Variants in CALD1 observed in about 807,000 individuals in gnomAD.
The protein encoded by CALD1 is caldesmon.
In CALD1, 33 loss-of-function variants were observed where a neutral mutation model predicts 99.9. That is an observed-to-expected ratio of 0.33 (90% CI 0.25 to 0.44). The LOEUF is 0.44. CALD1 is among the 20% of genes least tolerant of loss of function. The pLI, the probability that CALD1 is intolerant of heterozygous loss-of-function variation, is 1.00. For missense variants in CALD1, 861 were observed against 962.1 expected (o/e 0.89, Z 1.39); for synonymous variants, 310 against 325.0 (o/e 0.95, Z 0.50).
chr7:134,932,108 G>T (rs530081446), intron 4 of CALD1, among the ~76,000 whole-genome samples: 22 of 152,236 alleles, frequency 1.4e-4, no homozygotes, highest in Middle Eastern at 3.4e-3. Context: ...TCATTGCCTT[G>T]GTTGGACACT....
chr7:134,935,557 G>A, intron 5 of CALD1, 131 bp from the exon 6 acceptor site: 1 of 1,422,218 alleles, frequency 7.0e-7, no homozygotes, highest in Non-Finnish European at 9.4e-7. Context: ...ACTGTGCTGT[G>A]AGCGCTGAGA....
chr7:134,815,896 C>T (rs948881284), intron 1 of CALD1, among the ~76,000 whole-genome samples: 3 of 152,182 alleles, frequency 2.0e-5, no homozygotes, highest in African/African-American at 7.2e-5. Flanking sequence ...TAAAAACTAT[C>T]CTCGAACTGG....
intron 1 of CALD1, among the ~76,000 whole-genome samples, chr7:134,773,391 C>T (rs906142828): frequency 6.6e-6 from 1 of 151,890 alleles, no homozygotes; most frequent in Non-Finnish European, 1.5e-5. Flanking sequence ...CCTCCCACCT[C>T]AGCCTCCCTA....
rs1799747492 is a variant in CALD1, at chr7:134,843,885, T to C, written c.-128T>C. 3 of 152,218 alleles carry C rather than the reference T, an allele frequency of 2.0e-5. 1 individual carries two copies. The South Asian group carries it at 6.2e-4, about 32-fold the overall frequency. The allele number at this position is 152,218 out of a possible 1,614,324, so 9.4% of individuals were successfully genotyped here. A position where few individuals can be genotyped will look rare whatever the true frequency, so the allele number is the denominator to read the frequency against. ...GTTTCCATCCTCCTTTTATTCCAGG[T>C]ATCATTGGAACATTTCAAGATCATC... On this transcript the variant is annotated splice_region_variant and 5_prime_UTR_variant, in exon 2 of 15. Transcript: ENST00000361675.
intron 6 of CALD1, 108 bp downstream of exon 6, chr7:134,935,873 AT>A: frequency 9.4e-7 from 1 of 1,065,268 alleles, no homozygotes; most frequent in South Asian, 1.7e-5. Flanking sequence ...TATCCAGTGT[AT>A]TTCAAGCCAT....
At chr7:134,900,556 C>T (rs1259672944) in intron 3 of CALD1, among the ~76,000 whole-genome samples, 3 of 152,086 alleles carry the variant, frequency 2.0e-5, no homozygotes, top group East Asian at 1.9e-4. Flanking sequence ...GCCTAGCCCT[C>T]GCAGCACTAA....
At chr7:134,755,379 G>A (rs901563871) in intron 1 of CALD1, among the ~76,000 whole-genome samples, 2 of 152,176 alleles carry the variant, frequency 1.3e-5, no homozygotes, top group East Asian at 3.8e-4. Flanking sequence ...CTGGCGTGGT[G>A]AAAATATGCT....
intron 7 of CALD1, among the ~76,000 whole-genome samples, chr7:134,946,105 C>G (rs1044391809): frequency 2.0e-5 from 3 of 152,072 alleles, no homozygotes; most frequent in Admixed American, 6.6e-5. Flanking sequence ...CTTTTGAACT[C>G]ATTCACAAGT....
intron 1 of CALD1, among the ~76,000 whole-genome samples, chr7:134,765,088 G>A (rs1270091747): frequency 6.6e-6 from 1 of 152,178 alleles, no homozygotes; most frequent in African/African-American, 2.4e-5. Context: ...AGGCTGAGGT[G>A]GGTGGATCAT....
intron 1 of CALD1, among the ~76,000 whole-genome samples, chr7:134,827,637 G>A (rs1211657233): frequency 6.6e-6 from 1 of 152,212 alleles, no homozygotes; most frequent in Non-Finnish European, 1.5e-5. Context: ...CCCAGGCACA[G>A]GAAAGAGTGA....
Position 134,832,456 on chromosome 7 carries a change from A to C in CALD1, c.-129-11428A>C, listed in dbSNP as rs1334647195. 5.9e-5 allele frequency among the ~76,000 whole-genome samples: 9 copies of C among 152,230 alleles called. 1 individual carries two copies. The highest frequency in any genetic ancestry group is 5.9e-4 in the Admixed American group (9 of 15,284). On this transcript the variant is annotated intron_variant, in intron 1 of 14. Transcript: ENST00000361675. ...TTCAGTAGAGTGAAATAGAAATAAA[A>C]GCAGTCTGGAAAACCAGCAATGAAT... is the stretch of plus-strand genomic sequence containing the variant.
chr7:134,931,192 C>A (rs1292411569), intron 4 of CALD1, among the ~76,000 whole-genome samples: 1 of 151,964 alleles, frequency 6.6e-6, no homozygotes. Context: ...TGGGGCTAAA[C>A]AACTCTAACT....
At chr7:134,938,293 T>C (rs546127951) in intron 6 of CALD1, among the ~76,000 whole-genome samples, 1 of 152,300 alleles carries the variant, frequency 6.6e-6, no homozygotes, top group Admixed American at 6.5e-5. Context: ...CAAAATATGC[T>C]CGAGACACAT....
the CALD1 span, among the ~76,000 whole-genome samples, chr7:134,732,945 G>A: frequency 6.6e-6 from 1 of 152,222 alleles, no homozygotes; most frequent in Non-Finnish European, 1.5e-5. Flanking sequence ...CTTGGCAGGA[G>A]TGCACGCTCC....
At chr7:134,772,505 G>A (rs533550025) in intron 1 of CALD1, among the ~76,000 whole-genome samples, 17 of 152,238 alleles carry the variant, frequency 1.1e-4, no homozygotes, top group Admixed American at 9.8e-4. Context: ...TGAAGAAAAC[G>A]AAGGTTTGGC....
intron 11 of CALD1, 145 bp from the exon 12 acceptor site, chr7:134,959,829 C>T: frequency 1.3e-6 from 1 of 758,244 alleles, no homozygotes; most frequent in South Asian, 2.0e-5. Context: ...TACAGTTTTA[C>T]AACAGAAATT....
At position 134,933,221 on chromosome 7, in the gene CALD1, A is replaced by G; in HGVS notation, c.452A>G (p.Glu151Gly). ...GAAAATGAAACTACCGAGAAGGAAG[A>G]AAAAAGTGAAAGTCGCCAAGAAAGA... is the stretch of plus-strand genomic sequence containing the variant. The part of the protein sequence containing the change: ...TAENETTEKE[E>G]KSESRQERYE... Residue 151 changes from glutamate (E) to glycine (G), a missense_variant, in exon 5 of 15, where the codon GAA becomes GGA. Glu to Gly is a moderately conservative substitution (Grantham distance 98, BLOSUM62 -2). This residue lies in a region of CALD1 where 234 missense variants were observed against 233.1 expected (regional missense o/e 1.00). Transcript: ENST00000361675. 1 of 1,611,030 alleles carries G rather than the reference A, an allele frequency of 6.2e-7. No individual in the cohort carries two copies. Among genetic ancestry groups the G allele is most frequent in the Non-Finnish European group, 8.5e-7 (1 of 1,179,136 alleles).
intron 1 of CALD1, among the ~76,000 whole-genome samples, chr7:134,781,724 A>C (rs1374400855): frequency 3.3e-5 from 5 of 152,382 alleles, no homozygotes; most frequent in Admixed American, 2.6e-4. Context: ...CCATAAGTAA[A>C]GTGCAGGGTT....
chr7:134,892,970 T>A (rs1003060591), intron 3 of CALD1, among the ~76,000 whole-genome samples: 2 of 151,498 alleles, frequency 1.3e-5, no homozygotes, highest in African/African-American at 4.9e-5. Context: ...ATTGAAAGCC[T>A]TCATTTCAGA....
Sources: allele counts gnomAD v4.1 joint callset (sites outside exome capture counted in the v4.1 genomes callset), GRCh38; gene constraint gnomAD v4.1.1; regional missense constraint gnomAD v4.1.1; transcripts MANE v1.5; gene names NCBI Gene and HGNC (gene_info 2026-07-23, HGNC 2026-07-21).